The following LIMK2 variants were observed in gnomAD, a reference collection of about 807,000 sequenced individuals.
The protein encoded by LIMK2 is LIM domain kinase 2.
LIMK2 carries 35 observed loss-of-function variants against 75.7 expected under a neutral mutation model. The ratio of observed to expected loss-of-function variants is 0.46; its 90% CI spans 0.35 to 0.61. The LOEUF is 0.61. LIMK2 is among the 20% of genes least tolerant of loss of function. The pLI is 0.00. For missense variants in LIMK2, 623 were observed against 831.0 expected, an observed-to-expected ratio of 0.75 and a Z score of 3.08; for synonymous variants, 301 against 319.2, an observed-to-expected ratio of 0.94 and a Z score of 0.61.
Position 31,277,180 on chromosome 22 carries a change from A to T in LIMK2, c.1773-1117A>T, listed in dbSNP as rs1490586288. 2.5e-6 allele frequency: 4 copies of T among 1,612,082 alleles called. No homozygotes were observed. In the African/African-American group the frequency reaches 5.3e-5, roughly 22 times the overall value. ...GGCGAACGGTGGCTCCCATAGGACA[A>T]TCGCTACCCCCCGACCTCGTAGCAA... On this transcript the variant is annotated intron_variant, in intron 15 of 15. Transcript: ENST00000331728.
intron 2 of LIMK2, among the ~76,000 whole-genome samples, chr22:31,234,234 A>G (rs2048552114): frequency 6.7e-6 from 1 of 148,646 alleles, no homozygotes; most frequent in South Asian, 2.2e-4. Flanking sequence ...CTAGTCTCGA[A>G]CTCCTGACCT....
intron 2 of LIMK2, among the ~76,000 whole-genome samples, chr22:31,230,379 T>C (rs1175094901): frequency 6.6e-6 from 1 of 152,188 alleles, no homozygotes; most frequent in Non-Finnish European, 1.5e-5. Context: ...CCTCTTGGCA[T>C]GTTAGCAAGC....
chr22:31,232,695 A>G lies in LIMK2; in HGVS notation c.116+6876A>G, dbSNP rs933167454. On this transcript the variant is annotated intron_variant, in intron 2 of 15. Transcript: ENST00000331728. ...CATGATGATAGCTTACTATAGCCTC[A>G]ATCTCCCAGGCTTAAACAATCCTCC... Among the ~76,000 whole-genome samples, 9 of 151,990 alleles carry G rather than the reference A, an allele frequency of 5.9e-5. No homozygotes were observed. In the South Asian group the frequency reaches 1.9e-3, roughly 32 times the overall value.
At chr22:31,225,923 A>G (rs1384265060) in intron 2 of LIMK2, 104 bp downstream of exon 2, 10 of 871,358 alleles carry the variant, frequency 1.1e-5, no homozygotes, top group African/African-American at 1.7e-5. Flanking sequence ...TGAGAATTTC[A>G]ATCTTAGGGT....
intron 1 of LIMK2, among the ~76,000 whole-genome samples, chr22:31,223,903 C>T (rs1386401209): frequency 6.6e-6 from 1 of 152,196 alleles, no homozygotes; most frequent in African/African-American, 2.4e-5. Flanking sequence ...TTGTTTAACT[C>T]TTCTCTGGGG....
chr22:31,212,332 T>G lies in LIMK2; in HGVS notation c.-77T>G. ...CGCCTGAGGCGGCGGCGGCAGGAGCTGAGGGGAGTTGTAGGGAACTGAGGG... is the reference window on the plus strand; with the variant it reads ...CGCCTGAGGCGGCGGCGGCAGGAGCGGAGGGGAGTTGTAGGGAACTGAGGG... On this transcript the variant is annotated 5_prime_UTR_variant, in exon 1 of 16. Coordinates refer to ENST00000331728, the MANE Select transcript of LIMK2 (RefSeq NM_005569.4). 2 of 1,298,930 alleles carry G rather than the reference T, an allele frequency of 1.5e-6. No individual in the cohort carries two copies. The highest frequency in any genetic ancestry group is 2.8e-5 in the East Asian group (1 of 35,298). The allele number at this position is 1,298,930 out of a possible 1,614,324, so 80.5% of individuals were successfully genotyped here. A position where few individuals can be genotyped will look rare whatever the true frequency, so the allele number is the denominator to read the frequency against.
At position 31,265,942 on chromosome 22, in the gene LIMK2, T is replaced by C; in HGVS notation, c.855-4T>C. The C allele has an allele frequency of 6.2e-7, 1 of 1,613,796 alleles. No homozygotes were observed. The highest frequency in any genetic ancestry group is 1.1e-5 in the South Asian group (1 of 91,066). ...TCCCTACTCCCGTCTTTCCTCATCT[T>C]CAGGCGCAGTAACAGTATCTCCAAG... is the stretch of plus-strand genomic sequence containing the variant. On this transcript the variant is annotated splice_polypyrimidine_tract_variant and splice_region_variant and intron_variant, in intron 7 of 15. Coordinates refer to ENST00000331728, the MANE Select transcript of LIMK2 (RefSeq NM_005569.4).
At chr22:31,260,113 G>T in intron 5 of LIMK2, 36 bp downstream of exon 5, 1 of 1,501,042 alleles carries the variant, frequency 6.7e-7, no homozygotes, top group South Asian at 1.3e-5. Flanking sequence ...AGGGGTTCTT[G>T]AGCAGAGTCT....
At chr22:31,261,682 T>TG (rs1281310582) in intron 5 of LIMK2, among the ~76,000 whole-genome samples, 2 of 151,592 alleles carry the variant, frequency 1.3e-5, no homozygotes, top group Non-Finnish European at 2.9e-5. Flanking sequence ...GCATGAGAAT[T>TG]GCTTGAGCCT....
At chr22:31,222,372 CTTTTTTTTTT>C (rs3068235) in intron 1 of LIMK2, among the ~76,000 whole-genome samples, 10 of 55,246 alleles carry the variant, frequency 1.8e-4, no homozygotes, top group South Asian at 8.6e-4. Flanking sequence ...TGCCCAGCCT[CTTTTTTTTTT>C]TTTTTTTTTT....
chr22:31,230,023 TTTC>T lies in LIMK2; in HGVS notation c.116+4207_116+4209del, dbSNP rs1370850584. On this transcript the variant is annotated intron_variant, in intron 2 of 15. Transcript: ENST00000331728. ...CAACAGGCCTCTTTTTTTTCCTTTT[TTTC>T]TTTTCTTTTTTTTCTTTCTTTCTTT... is the stretch of plus-strand genomic sequence containing the variant. The T allele has an allele frequency of 3.3e-5, 5 of 151,704 alleles. No homozygotes were observed. In the East Asian group the frequency reaches 9.7e-4, roughly 30 times the overall value. 9.4% of individuals were successfully genotyped at this position (151,704 alleles called of 1,614,324 possible).
intron 2 of LIMK2, chr22:31,230,056 C>CTTTTTTTT (rs33933239): frequency 2.5e-4 from 30 of 120,740 alleles, no homozygotes; most frequent in Non-Finnish European, 3.1e-4. Context: ...TTCTTTCTTT[C>CTTTTTTTT]TTTTTTTTTT....
intron 2 of LIMK2, among the ~76,000 whole-genome samples, chr22:31,252,610 T>C (rs1218549399): frequency 2.0e-5 from 3 of 152,246 alleles, no homozygotes; most frequent in East Asian, 1.9e-4. Flanking sequence ...GACCTTTCTT[T>C]TTCACTTACA....
chr22:31,269,772 T>C (rs2048936431), intron 11 of LIMK2, among the ~76,000 whole-genome samples: 1 of 137,476 alleles, frequency 7.3e-6, no homozygotes, highest in South Asian at 2.3e-4. Context: ...AGACTTCATC[T>C]CAAAAAAAAA....
At chr22:31,263,700 T>A (rs1601435463) in intron 7 of LIMK2, among the ~76,000 whole-genome samples, 1 of 152,080 alleles carries the variant, frequency 6.6e-6, no homozygotes, top group Non-Finnish European at 1.5e-5. Flanking sequence ...TAATAATAAT[T>A]GTTTTTAATT....
At chr22:31,228,630 C>A (rs568944631) in intron 2 of LIMK2, among the ~76,000 whole-genome samples, 88 of 152,114 alleles carry the variant, frequency 5.8e-4, no homozygotes, top group African/African-American at 2.1e-3. Context: ...TAGCATCTGA[C>A]ATATAGAAAA....
intron 7 of LIMK2, among the ~76,000 whole-genome samples, chr22:31,264,560 A>G (rs1437846935): frequency 2.0e-5 from 3 of 152,246 alleles, no homozygotes; most frequent in African/African-American, 4.8e-5. Context: ...TGTAAAAATC[A>G]TACGTGTTTA....
rs143658090 is a variant in LIMK2, at chr22:31,230,901, G to A, written c.116+5082G>A. 9.8e-4 allele frequency among the ~76,000 whole-genome samples: 149 copies of A among 152,198 alleles called. 1 individual carries two copies. The highest frequency in any genetic ancestry group is 8.7e-3 in the South Asian group (42 of 4,826). On this transcript the variant is annotated intron_variant, in intron 2 of 15. Transcript: ENST00000331728. ...GGTAGAATCATAATTACAGTAATAG[G>A]TACCACTTATTGAGTACTCTGTGCC...
intron 2 of LIMK2, among the ~76,000 whole-genome samples, chr22:31,228,170 AC>A (rs1479428534): frequency 1.3e-5 from 2 of 152,112 alleles, no homozygotes; most frequent in African/African-American, 4.8e-5. Flanking sequence ...TAATCCCAGC[AC>A]TTTGGGAGGC....
Sources: allele counts gnomAD v4.1 joint callset (sites outside exome capture counted in the v4.1 genomes callset), GRCh38; gene constraint gnomAD v4.1.1; transcripts MANE v1.5; gene names NCBI Gene and HGNC (gene_info 2026-07-23, HGNC 2026-07-21).